Variants in CYRIA observed in about 807,000 individuals in gnomAD.
The protein encoded by CYRIA is CYFIP-related Rac1 interactor A.
CYRIA carries 15 observed loss-of-function variants against 43.9 expected under a neutral mutation model. The observed-to-expected ratio is 0.34, with a 90% CI of 0.23 to 0.53. The LOEUF (loss-of-function observed/expected upper bound fraction) is 0.53, where lower values mean the gene tolerates loss of function less well. CYRIA is among the 20% of genes least tolerant of loss of function. The probability of loss-of-function intolerance (pLI) is 0.94; values close to 1 mark genes in which losing one functional copy is unlikely to be tolerated. For synonymous variants in CYRIA, 117 were observed against 136.0 expected (o/e 0.86, Z 0.97); for missense variants, 236 against 394.2 (o/e 0.60, Z 3.40).
chr2:16,609,106 C>T (rs1262685666), intron 2 of CYRIA, among the ~76,000 whole-genome samples: 1 of 152,232 alleles, frequency 6.6e-6, no homozygotes, highest in Non-Finnish European at 1.5e-5. Context: ...CCCCGCCGTG[C>T]TCCTCGCGGA....
intron 2 of CYRIA, among the ~76,000 whole-genome samples, chr2:16,616,583 G>T (rs183630290): frequency 1.5e-3 from 223 of 152,298 alleles, no homozygotes; most frequent in South Asian, 2.3e-3. Flanking sequence ...TCTGCCGGGT[G>T]TTCATCCTGA....
intron 2 of CYRIA, chr2:16,623,126 C>A (rs1669051185): frequency 6.6e-6 from 1 of 152,174 alleles, no homozygotes; most frequent in Non-Finnish European, 1.5e-5. Flanking sequence ...ACCATGATTC[C>A]TTACACTGGG....
chr2:16,619,452 G>T (rs1459222335), intron 2 of CYRIA, among the ~76,000 whole-genome samples: 1 of 152,014 alleles, frequency 6.6e-6, no homozygotes, highest in Non-Finnish European at 1.5e-5. Context: ...AGTTCCAAAG[G>T]GAAGGTAGCA....
chr2:16,610,007 G>C (rs1036861387), intron 2 of CYRIA, among the ~76,000 whole-genome samples: 2 of 152,208 alleles, frequency 1.3e-5, no homozygotes, highest in South Asian at 2.1e-4. Context: ...GATTTTGGCA[G>C]ACAGAGCATA....
At chr2:16,615,677 A>G (rs936330351) in intron 2 of CYRIA, among the ~76,000 whole-genome samples, 14 of 152,238 alleles carry the variant, frequency 9.2e-5, no homozygotes, top group Non-Finnish European at 1.8e-4. Context: ...TGAAATTTCC[A>G]AGGTTCAACT....
intron 3 of CYRIA, among the ~76,000 whole-genome samples, chr2:16,579,395 G>C (rs1410425508): frequency 1.3e-5 from 2 of 148,914 alleles, no homozygotes; most frequent in Admixed American, 1.3e-4. Flanking sequence ...AAATATGAAG[G>C]CCTTATTAAA....
At chr2:16,626,731 G>A (rs2103515042) in intron 1 of CYRIA, among the ~76,000 whole-genome samples, 1 of 152,264 alleles carries the variant, frequency 6.6e-6, no homozygotes, top group Non-Finnish European at 1.5e-5. Flanking sequence ...CATCTCCACA[G>A]GCAGCACAAC....
chr2:16,660,451 C>T (rs780485706), intron 1 of CYRIA, among the ~76,000 whole-genome samples: 2 of 152,160 alleles, frequency 1.3e-5, no homozygotes, highest in Non-Finnish European at 2.9e-5. Flanking sequence ...CAAAACAATA[C>T]TTCCCTCTTC....
At chr2:16,651,529 T>C (rs1669976760) in intron 1 of CYRIA, among the ~76,000 whole-genome samples, 1 of 152,144 alleles carries the variant, frequency 6.6e-6, no homozygotes, top group Non-Finnish European at 1.5e-5. Context: ...ATCCAAAACC[T>C]CTCACCAGGT....
chr2:16,650,180 A>G lies in CYRIA; in HGVS notation c.-167+15600T>C, dbSNP rs899519006. ...TTTGGGGGTTATTTCTGACTGCAGCAAAAGTGACATACTCCACATTTTTCC... is the reference window on the plus strand; with the variant it reads ...TTTGGGGGTTATTTCTGACTGCAGCGAAAGTGACATACTCCACATTTTTCC... On this transcript the variant is annotated intron_variant, in intron 1 of 11. Transcript: ENST00000381323. This position sits in a 1 kb window ranked among gnomAD's most constrained non-coding sequence, Gnocchi z 4.1. Among the ~76,000 whole-genome samples the G allele has an allele frequency of 4.6e-5, 7 of 152,212 alleles. No homozygotes were observed. Among genetic ancestry groups the G allele is most frequent in the African/African-American group, 1.7e-4 (7 of 41,452 alleles).
intron 1 of CYRIA, among the ~76,000 whole-genome samples, chr2:16,656,073 G>A (rs72777956): frequency 0.066 from 10,099 of 152,222 alleles, 448 homozygotes; most frequent in African/African-American, 0.12. Flanking sequence ...GGCCAGGGCA[G>A]AGCCTTGTCC....
intron 1 of CYRIA, among the ~76,000 whole-genome samples, chr2:16,658,996 G>T (rs2103557248): frequency 6.6e-6 from 1 of 152,330 alleles, no homozygotes; most frequent in South Asian, 2.1e-4. Flanking sequence ...CTCAGTGCAG[G>T]CTCAGCTCAT....
chr2:16,664,124 T>G (rs796751462), intron 1 of CYRIA, among the ~76,000 whole-genome samples: 24 of 152,270 alleles, frequency 1.6e-4, no homozygotes, highest in African/African-American at 4.6e-4. Flanking sequence ...GGTATCTATT[T>G]TTAGCACTGA....
At chr2:16,634,102 A>T (rs1669419685) in intron 1 of CYRIA, among the ~76,000 whole-genome samples, 1 of 152,160 alleles carries the variant, frequency 6.6e-6, no homozygotes, top group Non-Finnish European at 1.5e-5. Flanking sequence ...CCAACTAAGT[A>T]TTTAGGCTTG....
chr2:16,623,818 G>A (rs1173791898), intron 2 of CYRIA, 46 bp downstream of exon 2: 1 of 152,128 alleles, frequency 6.6e-6, no homozygotes, highest in Non-Finnish European at 1.5e-5. Flanking sequence ...TATAATGATG[G>A]TTATCAGTGT....
At chr2:16,630,619 C>T (rs1669301303) in intron 1 of CYRIA, among the ~76,000 whole-genome samples, 1 of 152,156 alleles carries the variant, frequency 6.6e-6, no homozygotes, top group African/African-American at 2.4e-5. Context: ...CATTGCACTG[C>T]CTGAACACAA....
intron 1 of CYRIA, among the ~76,000 whole-genome samples, chr2:16,652,035 T>C (rs771616706): frequency 9.9e-5 from 15 of 152,170 alleles, no homozygotes; most frequent in Non-Finnish European, 2.1e-4. Flanking sequence ...TAAGCAAACC[T>C]ACTACCTGAT....
At chr2:16,564,883 C>T (rs1467363577) in intron 4 of CYRIA, among the ~76,000 whole-genome samples, 2 of 152,260 alleles carry the variant, frequency 1.3e-5, no homozygotes. Flanking sequence ...TTTGAGATGA[C>T]AAACTGAAAG....
intron 1 of CYRIA, among the ~76,000 whole-genome samples, chr2:16,633,214 C>T (rs536179632): frequency 8.5e-5 from 13 of 152,278 alleles, no homozygotes; most frequent in African/African-American, 3.1e-4. Context: ...CCCTGCCTTG[C>T]AGCCTAGACT....
Sources: gnomAD v4.1 joint callset for allele counts (sites outside exome capture counted in the v4.1 genomes callset) on GRCh38, gnomAD v4.1.1 for gene constraint, Gnocchi (gnomAD v3.1) non-coding constraint, MANE v1.5 for transcripts, NCBI Gene and HGNC (gene_info 2026-07-23, HGNC 2026-07-21) for gene names.